The following STK32C variants were observed in gnomAD, a reference collection of about 807,000 sequenced individuals.
STK32C encodes the protein serine/threonine kinase 32C, also known as serine/threonine-protein kinase 32C.
In STK32C, 31 loss-of-function variants were observed where a neutral mutation model predicts 56.5. The observed-to-expected ratio is 0.55, with a 90% CI of 0.41 to 0.74. The LOEUF is 0.74. Ranked by LOEUF, STK32C falls within the 30% of genes least tolerant of loss-of-function variation. The pLI is 0.00. For synonymous variants in STK32C, 309 were observed against 289.4 expected (o/e 1.07, Z -0.69); for missense variants, 544 against 676.9 (o/e 0.80, Z 2.18).
chr10:132,309,697 G>A (rs530612555), upstream of STK32C, among the ~76,000 whole-genome samples: 16 of 152,234 alleles, frequency 1.1e-4, no homozygotes, highest in African/African-American at 3.6e-4. Flanking sequence ...AGTGGTGAAG[G>A]AGCGTTTGGA....
At position 132,246,553 on chromosome 10, in the gene STK32C, G is replaced by A. The variant is rs994874646; in HGVS notation, c.263-598C>T. On this transcript the variant is annotated intron_variant, in intron 1 of 11. Transcript: ENST00000298630. ...ACCTGTGTAGCCTGGGAGAGCCTGCGCCCAGCATGAGAGCCGTTCCGCAAG... is the reference window on the plus strand; with the variant it reads ...ACCTGTGTAGCCTGGGAGAGCCTGCACCCAGCATGAGAGCCGTTCCGCAAG... Among the ~76,000 whole-genome samples the A allele has an allele frequency of 5.9e-5, 9 of 152,156 alleles. No individual in the cohort carries two copies. In the South Asian group the frequency reaches 6.2e-4, roughly 10 times the overall value.
chr10:132,286,634 AAAG>A (rs1227799028), intron 1 of STK32C, among the ~76,000 whole-genome samples: 1 of 152,262 alleles, frequency 6.6e-6, no homozygotes, highest in Non-Finnish European at 1.5e-5. Flanking sequence ...CAAACAAAAT[AAAG>A]GAGGAAAAAT....
upstream of STK32C, among the ~76,000 whole-genome samples, chr10:132,310,904 G>A (rs185800025): frequency 2.9e-4 from 44 of 152,284 alleles, no homozygotes; most frequent in South Asian, 6.0e-3. The surrounding 1 kb of genome is among the most constrained non-coding windows in gnomAD (Gnocchi z 4.6). Context: ...CCAGGTGTCC[G>A]GGTTCCAACA....
chr10:132,244,727 A>C (rs1490901337), intron 2 of STK32C, among the ~76,000 whole-genome samples: 1 of 152,172 alleles, frequency 6.6e-6, no homozygotes, highest in African/African-American at 2.4e-5. Flanking sequence ...AGAGGGGAGC[A>C]GTCCCCCAAA....
chr10:132,287,439 G>A (rs747671556), intron 1 of STK32C, among the ~76,000 whole-genome samples: 8 of 148,104 alleles, frequency 5.4e-5, no homozygotes, highest in Admixed American at 4.0e-4. Context: ...ACAGTGAGCC[G>A]AGATCGTGCC....
intron 1 of STK32C, among the ~76,000 whole-genome samples, chr10:132,329,005 G>C (rs2066569080): frequency 6.6e-6 from 1 of 152,236 alleles, no homozygotes; most frequent in Non-Finnish European, 1.5e-5. Context: ...TGCAAGCCTA[G>C]ATTTCAAAAC....
chr10:132,284,440 A>G (rs867572363), intron 1 of STK32C, among the ~76,000 whole-genome samples: 215 of 62,118 alleles, frequency 3.5e-3, no homozygotes, highest in South Asian at 6.3e-3. Flanking sequence ...TGAGGTTGGG[A>G]GGGCAGGTGA....
intron 1 of STK32C, among the ~76,000 whole-genome samples, chr10:132,260,188 G>A (rs1158347950): frequency 6.6e-6 from 1 of 152,172 alleles, no homozygotes; most frequent in African/African-American, 2.4e-5. Flanking sequence ...ACACTGACAC[G>A]TCCTCCCAGC....
chr10:132,287,809 G>A (rs1257474378), intron 1 of STK32C, among the ~76,000 whole-genome samples: 1 of 152,048 alleles, frequency 6.6e-6, no homozygotes, highest in Non-Finnish European at 1.5e-5. Flanking sequence ...TAGTTTCAGT[G>A]CAATCCCAAT....
In STK32C at chr10:132,307,949, C is replaced by T. The variant is rs1363323918; in HGVS notation, c.-116G>A. On this transcript the variant is annotated 5_prime_UTR_variant, in exon 1 of 12. Transcript: ENST00000298630. The surrounding 1 kb of genome is among the most constrained non-coding windows in gnomAD (Gnocchi z 4.4). Reference sequence around the variant, plus strand: ...CCGGCAGCGCCCGCCGTGCGCTCTTCTGGGCGGTGGAACCCGCCCCGTAGA... The same window carrying T: ...CCGGCAGCGCCCGCCGTGCGCTCTTTTGGGCGGTGGAACCCGCCCCGTAGA... 2 of 1,036,186 alleles carry T rather than the reference C, an allele frequency of 1.9e-6. No homozygotes were observed. The highest frequency in any genetic ancestry group is 1.2e-4 in the East Asian group (1 of 8,332). 64.2% of individuals were successfully genotyped at this position (1,036,186 alleles called of 1,614,324 possible). A position where few individuals can be genotyped will look rare whatever the true frequency, so the allele number is the denominator to read the frequency against.
chr10:132,325,510 A>C (rs1403547425), intron 1 of STK32C, among the ~76,000 whole-genome samples: 1 of 149,880 alleles, frequency 6.7e-6, no homozygotes, highest in African/African-American at 2.4e-5. Context: ...CCGAGATCGC[A>C]CCACTGCACT....
At chr10:132,272,240 C>T (rs532618932) in intron 1 of STK32C, among the ~76,000 whole-genome samples, 4 of 152,324 alleles carry the variant, frequency 2.6e-5, no homozygotes, top group East Asian at 3.9e-4. Flanking sequence ...AAGATCAGGA[C>T]GGAGACACCC....
chr10:132,291,712 G>A (rs568364029), intron 1 of STK32C, among the ~76,000 whole-genome samples: 1 of 152,304 alleles, frequency 6.6e-6, no homozygotes, highest in Admixed American at 6.5e-5. Context: ...TCATGAAACA[G>A]GCCTCGAGAG....
At chr10:132,309,651 GC>G (rs1416071712), upstream of STK32C, among the ~76,000 whole-genome samples, 1 of 152,184 alleles carries the variant, frequency 6.6e-6, no homozygotes, top group Non-Finnish European at 1.5e-5. Context: ...TTCAGCACCT[GC>G]CTCAGAGGAA....
intron 10 of STK32C, among the ~76,000 whole-genome samples, chr10:132,216,237 G>C (rs1275664148): frequency 1.3e-5 from 2 of 152,202 alleles, no homozygotes; most frequent in Admixed American, 6.5e-5. Context: ...GGTTAAGGCA[G>C]GCAGATCACC....
chr10:132,330,574 C>T (rs2066646246), intron 1 of STK32C: 15 of 707,080 alleles, frequency 2.1e-5, no homozygotes, highest in South Asian at 1.9e-4. Flanking sequence ...GTGGCACAAT[C>T]ATAACTCACT....
At chr10:132,289,846 ATATG>A (rs1439271683) in intron 1 of STK32C, among the ~76,000 whole-genome samples, 1 of 152,164 alleles carries the variant, frequency 6.6e-6, no homozygotes, top group Non-Finnish European at 1.5e-5. Flanking sequence ...GGATCTCAAC[ATATG>A]TATGTGGGTG....
At chr10:132,269,364 T>G (rs1424481197) in intron 1 of STK32C, among the ~76,000 whole-genome samples, 1 of 152,218 alleles carries the variant, frequency 6.6e-6, no homozygotes, top group African/African-American at 2.4e-5. Context: ...CTGGAAAATC[T>G]GCTGCTGAGC....
intron 10 of STK32C, among the ~76,000 whole-genome samples, chr10:132,218,182 G>A (rs556253946): frequency 3.6e-4 from 55 of 152,204 alleles, no homozygotes; most frequent in African/African-American, 1.3e-3. Context: ...GCCAGGTGTG[G>A]TGGTGCACAC....
Sources: gnomAD v4.1 joint callset for allele counts (sites outside exome capture counted in the v4.1 genomes callset) on GRCh38, gnomAD v4.1.1 for gene constraint, Gnocchi (gnomAD v3.1) non-coding constraint, MANE v1.5 for transcripts, NCBI Gene and HGNC (gene_info 2026-07-23, HGNC 2026-07-21) for gene names.